ME1: variants seen among roughly 807,000 people sequenced by gnomAD.
The protein encoded by ME1 is NADP-dependent malic enzyme.
ME1 carries 74 observed loss-of-function variants against 66.4 expected under a neutral mutation model. The observed-to-expected ratio is 1.11, with a 90% CI of 0.92 to 1.35. ME1 has a LOEUF of 1.35. Among genes scored for constraint, ME1 ranks in the 40% most tolerant of loss-of-function variants. ME1 has a pLI of 0.00. For synonymous variants in ME1, 251 were observed against 235.6 expected (o/e 1.07, Z -0.60); for missense variants, 750 against 694.1 (o/e 1.08, Z -0.90).
At chr6:83,351,981 G>A in intron 4 of ME1, 83 bp downstream of exon 4, 1 of 722,758 alleles carries the variant, frequency 1.4e-6, no homozygotes. Flanking sequence ...CTATTATCAT[G>A]AGAATTGTCA....
At position 83,427,165 on chromosome 6, in the gene ME1, C is replaced by T. The variant is rs115877114; in HGVS notation, c.78+3712G>A. 5.7e-3 allele frequency among the ~76,000 whole-genome samples: 875 copies of T among 152,184 alleles called. 8 individuals carry two copies. The highest frequency in any genetic ancestry group is 0.02 in the African/African-American group (837 of 41,522). Reference sequence around the variant, plus strand: ...TCTCAAAAATAGTTAGGGCTATGCACAGAAAAATATTAAATCTCATAAACA... The same window carrying T: ...TCTCAAAAATAGTTAGGGCTATGCATAGAAAAATATTAAATCTCATAAACA... On this transcript the variant is annotated intron_variant, in intron 1 of 13. Coordinates refer to ENST00000369705, the MANE Select transcript of ME1 (RefSeq NM_002395.6).
intron 3 of ME1, among the ~76,000 whole-genome samples, chr6:83,387,518 C>A (rs1769533181): frequency 1.3e-5 from 2 of 151,710 alleles, no homozygotes; most frequent in Admixed American, 6.6e-5. Flanking sequence ...ATTATTTAGA[C>A]CCTCATGTTT....
intron 5 of ME1, among the ~76,000 whole-genome samples, chr6:83,341,612 C>T (rs1768587392): frequency 1.3e-5 from 2 of 152,044 alleles, no homozygotes; most frequent in African/African-American, 4.8e-5. Context: ...ATTAAATTCC[C>T]AAAATATGAT....
intron 3 of ME1, among the ~76,000 whole-genome samples, chr6:83,355,541 G>A (rs367581609): frequency 6.6e-6 from 1 of 152,176 alleles, no homozygotes; most frequent in African/African-American, 2.4e-5. Flanking sequence ...GCACTGAGTA[G>A]AGATTCATTC....
chr6:83,315,668 G>A (rs969470988), intron 5 of ME1, among the ~76,000 whole-genome samples: 1 of 152,202 alleles, frequency 6.6e-6, no homozygotes, highest in Non-Finnish European at 1.5e-5. Flanking sequence ...GGAGGCTGAG[G>A]CAGGCAGATC....
intron 2 of ME1, among the ~76,000 whole-genome samples, chr6:83,401,064 T>A (rs1769828599): frequency 6.6e-6 from 1 of 152,182 alleles, no homozygotes; most frequent in South Asian, 2.1e-4. Context: ...CATTCTCAGC[T>A]CCTCTTTACC....
chr6:83,247,564 C>T (rs1476718829), intron 7 of ME1, among the ~76,000 whole-genome samples: 1 of 151,456 alleles, frequency 6.6e-6, no homozygotes, highest in Non-Finnish European at 1.5e-5. Flanking sequence ...CCCAAGGGTC[C>T]AGTGTAAACA....
intron 3 of ME1, among the ~76,000 whole-genome samples, chr6:83,388,091 C>CTTTTTTTTTTTTTTT (rs57683304): frequency 1.6e-4 from 21 of 133,394 alleles, no homozygotes; most frequent in African/African-American, 1.9e-4. Context: ...TCCTTCCTTC[C>CTTTTTTTTTTTTTTT]TTTTTTTTTT....
intron 3 of ME1, among the ~76,000 whole-genome samples, chr6:83,381,242 G>T (rs531311082): frequency 1.3e-5 from 2 of 152,136 alleles, no homozygotes; most frequent in South Asian, 4.1e-4. Context: ...AATACTTACT[G>T]GCTTCATAGA....
intron 9 of ME1, among the ~76,000 whole-genome samples, chr6:83,235,615 C>A (rs978989856): frequency 6.6e-6 from 1 of 151,976 alleles, no homozygotes; most frequent in Non-Finnish European, 1.5e-5. Context: ...GGACTACAGG[C>A]GCCCACCACC....
chr6:83,352,120 G>T lies in ME1; in HGVS notation c.382C>A (p.His128Asn). The T allele has an allele frequency of 6.4e-7, 1 of 1,561,016 alleles. No homozygotes were observed. The highest frequency in any genetic ancestry group is 1.4e-5 in the African/African-American group (1 of 71,248). Residue 128 changes from histidine to asparagine, a missense_variant, in exon 4 of 14, where the codon CAC becomes AAC. Physicochemically the swap from His to Asn is moderately conservative, Grantham distance 68. Coordinates refer to ENST00000369705, the MANE Select transcript of ME1 (RefSeq NM_002395.6). ...ACTGAAGCAATATGCCCTCGATCGTGGATAGTAATAAAGAGACCTCTGCAG... is the reference window on the plus strand; with the variant it reads ...ACTGAAGCAATATGCCCTCGATCGTTGATAGTAATAAAGAGACCTCTGCAG... ...RKPRGLFITI[H>N]DRGHIASVLN...
intron 6 of ME1, among the ~76,000 whole-genome samples, chr6:83,307,524 G>A (rs577862018): frequency 6.6e-6 from 1 of 152,054 alleles, no homozygotes; most frequent in African/African-American, 2.4e-5. Context: ...CTTATGAAAA[G>A]CAAAGTAACT....
At chr6:83,428,298 T>A (rs1443061527) in intron 1 of ME1, among the ~76,000 whole-genome samples, 1 of 152,232 alleles carries the variant, frequency 6.6e-6, no homozygotes, top group Non-Finnish European at 1.5e-5. Flanking sequence ...AGACTGATTT[T>A]ACATTAAACA....
intron 11 of ME1, among the ~76,000 whole-genome samples, chr6:83,225,205 CAAAAAAAAAAAAAAAA>C (rs146673365): frequency 2.5e-5 from 1 of 40,498 alleles, no homozygotes; most frequent in Admixed American, 2.6e-4. Flanking sequence ...GACTCCATCT[CAAAAAAAAAAAAAAAA>C]AAAAAAAAAG....
Position 83,253,846 on chromosome 6 carries a change from G to T in ME1, c.705-108C>A, listed in dbSNP as rs1378219769. ...AGGAAAACATTATTTCCTTTTAAAG[G>T]TTCTATCTTGCTGCTTAAGTATAAA... On this transcript the variant is annotated intron_variant, in intron 6 of 13. Transcript: ENST00000369705. 3 of 583,204 alleles carry T rather than the reference G, an allele frequency of 5.1e-6. No individual in the cohort carries two copies. In the East Asian group the frequency reaches 8.3e-5, roughly 16 times the overall value. The allele number at this position is 583,204 out of a possible 1,614,324, so 36.1% of individuals were successfully genotyped here. A position where few individuals can be genotyped will look rare whatever the true frequency, so the allele number is the denominator to read the frequency against.
At chr6:83,414,073 T>G (rs1770106713) in intron 1 of ME1, among the ~76,000 whole-genome samples, 1 of 143,686 alleles carries the variant, frequency 7.0e-6, no homozygotes, top group Non-Finnish European at 1.5e-5. Flanking sequence ...ATCACACCAT[T>G]GCACTCCAGC....
chr6:83,273,037 C>T (rs752490683), intron 6 of ME1, among the ~76,000 whole-genome samples: 3 of 151,838 alleles, frequency 2.0e-5, no homozygotes, highest in Non-Finnish European at 4.4e-5. Flanking sequence ...ATTAGCCGGG[C>T]ATGGTGGTGG....
chr6:83,228,942 C>T lies in ME1; in HGVS notation c.1027-11G>A. ...TAAGGAAGCACGTCCCTAAGTAAAGCCAGTAAGAAAAAATTAAGAATCTGC... is the reference window on the plus strand; with the variant it reads ...TAAGGAAGCACGTCCCTAAGTAAAGTCAGTAAGAAAAAATTAAGAATCTGC... On this transcript the variant is annotated splice_polypyrimidine_tract_variant and intron_variant, in intron 9 of 13. Coordinates refer to ENST00000369705, the MANE Select transcript of ME1 (RefSeq NM_002395.6). 6.4e-7 allele frequency: 1 copy of T among 1,572,924 alleles called. No homozygotes were observed. Among genetic ancestry groups the T allele is most frequent in the East Asian group, 2.2e-5 (1 of 44,682 alleles).
chr6:83,260,618 C>T (rs1766864415), intron 6 of ME1, among the ~76,000 whole-genome samples: 1 of 152,116 alleles, frequency 6.6e-6, no homozygotes, highest in African/African-American at 2.4e-5. Flanking sequence ...GGACACTAGG[C>T]CCCAGTGTCT....
Sources: gnomAD v4.1 joint callset for allele counts (sites outside exome capture counted in the v4.1 genomes callset) on GRCh38, gnomAD v4.1.1 for gene constraint, MANE v1.5 for transcripts, NCBI Gene and HGNC (gene_info 2026-07-23, HGNC 2026-07-21) for gene names.